HDAC9: variants seen among roughly 807,000 people sequenced by gnomAD.
HDAC9 encodes the protein MEF-2 interacting transcription repressor (MITR) protein.
HDAC9 carries 41 observed loss-of-function variants against 139.4 expected under a neutral mutation model. That is an observed-to-expected ratio of 0.29 (90% CI 0.23 to 0.38). HDAC9 has a LOEUF of 0.38. Among genes scored for constraint, HDAC9 ranks in the 10% least tolerant of loss-of-function variants. The probability of loss-of-function intolerance (pLI) is 1.00; values close to 1 mark genes in which losing one functional copy is unlikely to be tolerated. For synonymous variants in HDAC9, 517 were observed against 476.2 expected (o/e 1.09, Z -1.12); for missense variants, 1,147 against 1,297.0 (o/e 0.88, Z 1.78).
Position 18,462,051 on chromosome 7 carries a change from A to G in HDAC9, c.-41-34211A>G, listed in dbSNP as rs143781163. ...ACTAAGTATTTCTTGTTATCATGTA[A>G]TACTATCTATCTCCTTTAAATAGTT... On this transcript the variant is annotated intron_variant, in intron 1 of 3. Coordinates refer to the HDAC9 transcript ENST00000413509. Among the ~76,000 whole-genome samples the G allele has an allele frequency of 2.0e-3, 311 of 152,234 alleles. 1 individual carries two copies. Among genetic ancestry groups the G allele is most frequent in the African/African-American group, 6.2e-3 (258 of 41,574 alleles).
chr7:18,861,507 A>T (rs531263439), intron 21 of HDAC9, among the ~76,000 whole-genome samples: 1 of 152,138 alleles, frequency 6.6e-6, no homozygotes, highest in African/African-American at 2.4e-5. Flanking sequence ...ATCATTCTCT[A>T]TTCAGAGGCG....
intron 2 of HDAC9, among the ~76,000 whole-genome samples, chr7:18,252,002 A>G (rs1426603472): frequency 1.3e-5 from 2 of 152,194 alleles, no homozygotes; most frequent in South Asian, 2.1e-4. Context: ...TTTCACTTCT[A>G]TCACTATCAT....
intron 6 of HDAC9, among the ~76,000 whole-genome samples, chr7:18,616,102 C>T (rs766726511): frequency 2.0e-5 from 3 of 152,188 alleles, no homozygotes; most frequent in Non-Finnish European, 4.4e-5. Context: ...ATTGCACTGA[C>T]ACTTCTCTGC....
intron 2 of HDAC9, among the ~76,000 whole-genome samples, chr7:18,583,974 C>T (rs900942339): frequency 2.0e-5 from 3 of 152,006 alleles, no homozygotes; most frequent in South Asian, 2.1e-4. Flanking sequence ...AGAATTTTCC[C>T]GATTCTTGTG....
intron 1 of HDAC9, among the ~76,000 whole-genome samples, chr7:18,465,885 A>G (rs899633582): frequency 2.6e-5 from 4 of 152,208 alleles, no homozygotes; most frequent in Admixed American, 2.6e-4. Flanking sequence ...TAGATGTTAT[A>G]TTAATTTTCT....
intron 12 of HDAC9, among the ~76,000 whole-genome samples, chr7:18,699,714 A>G (rs1424297338): frequency 6.6e-6 from 1 of 152,136 alleles, no homozygotes; most frequent in African/African-American, 2.4e-5. Flanking sequence ...TCTACTTTAT[A>G]TATTAAGATA....
intron 2 of HDAC9, among the ~76,000 whole-genome samples, chr7:18,270,344 G>A (rs1163905438): frequency 6.6e-6 from 1 of 150,560 alleles, no homozygotes. Flanking sequence ...TTCTTTTCCT[G>A]TTACCTTCTC....
chr7:18,782,386 T>C (rs1322300405), intron 16 of HDAC9, among the ~76,000 whole-genome samples: 1 of 152,146 alleles, frequency 6.6e-6, no homozygotes, highest in African/African-American at 2.4e-5. Context: ...CCTTTTCTTT[T>C]AAGTCATTCC....
chr7:18,832,892 T>C (rs1562972435), intron 19 of HDAC9, among the ~76,000 whole-genome samples: 1 of 152,032 alleles, frequency 6.6e-6, no homozygotes, highest in Non-Finnish European at 1.5e-5. Flanking sequence ...TGCGCCACCA[T>C]ACCCAGCTAA....
At chr7:18,382,688 G>C (rs1020528935) in intron 1 of HDAC9, among the ~76,000 whole-genome samples, 1 of 152,194 alleles carries the variant, frequency 6.6e-6, no homozygotes, top group Non-Finnish European at 1.5e-5. Flanking sequence ...AAATGTGTTT[G>C]CAGAAAAATT....
intron 2 of HDAC9, chr7:18,162,579 C>G (rs1787708961): frequency 1.9e-6 from 1 of 534,894 alleles, no homozygotes; most frequent in South Asian, 2.3e-5. Flanking sequence ...GAGCATGGGA[C>G]TTTAATTCTT....
chr7:18,314,138 G>T (rs1272170095), intron 1 of HDAC9, among the ~76,000 whole-genome samples: 1 of 152,106 alleles, frequency 6.6e-6, no homozygotes, highest in Non-Finnish European at 1.5e-5. Context: ...CAGTTCCCTG[G>T]TGACAAGTTC....
chr7:18,600,119 T>A (rs528927827), intron 6 of HDAC9, among the ~76,000 whole-genome samples: 9 of 152,246 alleles, frequency 5.9e-5, no homozygotes, highest in African/African-American at 1.9e-4. Flanking sequence ...GGTGGTGTCT[T>A]TTTAGATATT....
intron 1 of HDAC9, among the ~76,000 whole-genome samples, chr7:18,438,319 C>G (rs1399994217): frequency 6.6e-6 from 1 of 151,938 alleles, no homozygotes. Flanking sequence ...TAAAAAGATT[C>G]CTGTTATCCA....
chr7:18,469,404 A>G (rs1002962879), intron 1 of HDAC9, among the ~76,000 whole-genome samples: 2 of 152,186 alleles, frequency 1.3e-5, no homozygotes, highest in African/African-American at 4.8e-5. Context: ...TGTAAATGCT[A>G]TTTCTGGGAA....
At chr7:18,561,104 G>A (rs568245355) in intron 2 of HDAC9, among the ~76,000 whole-genome samples, 44 of 152,296 alleles carry the variant, frequency 2.9e-4, no homozygotes, top group African/African-American at 9.9e-4. Context: ...ACTTTCAAGT[G>A]ATTAGAATAG....
intron 22 of HDAC9, among the ~76,000 whole-genome samples, chr7:18,893,914 G>A (rs966750493): frequency 6.6e-6 from 1 of 152,182 alleles, no homozygotes; most frequent in Non-Finnish European, 1.5e-5. Flanking sequence ...AACAGAAAGG[G>A]CAATAGCCCT....
chr7:18,186,639 C>A (rs1265802963), intron 2 of HDAC9, among the ~76,000 whole-genome samples: 2 of 152,152 alleles, frequency 1.3e-5, no homozygotes, highest in Admixed American at 1.3e-4. Flanking sequence ...GTCAGAAGAC[C>A]TTAATTAAAT....
At chr7:18,955,387 A>C (rs1783080096) in intron 24 of HDAC9, among the ~76,000 whole-genome samples, 1 of 152,156 alleles carries the variant, frequency 6.6e-6, no homozygotes, top group Admixed American at 6.6e-5. Flanking sequence ...CTTTGACAGC[A>C]TTCTTCTCTT....
Sources: allele counts gnomAD v4.1 joint callset (sites outside exome capture counted in the v4.1 genomes callset), GRCh38; gene constraint gnomAD v4.1.1; transcripts MANE v1.5; gene names NCBI Gene and HGNC (gene_info 2026-07-23, HGNC 2026-07-21).